Variants in ANO10 observed in about 807,000 individuals in gnomAD.
The protein encoded by ANO10 is anoctamin 10, also known as anoctamin-10.
ANO10 carries 77 observed loss-of-function variants against 74.7 expected under a neutral mutation model. The ratio of observed to expected loss-of-function variants is 1.03; its 90% CI spans 0.86 to 1.25. ANO10 has a LOEUF of 1.25. Among genes scored for constraint, ANO10 ranks in the 50% most tolerant of loss-of-function variants. ANO10 has a pLI of 0.00. For synonymous variants in ANO10, 279 were observed against 284.9 expected (o/e 0.98, Z 0.21); for missense variants, 721 against 778.1 (o/e 0.93, Z 0.87).
intron 1 of ANO10, among the ~76,000 whole-genome samples, chr3:43,656,983 A>G (rs1026939390): frequency 1.3e-5 from 2 of 152,240 alleles, no homozygotes; most frequent in Non-Finnish European, 2.9e-5. Flanking sequence ...GCACGCTGTC[A>G]CCTCTCAAAA....
intron 1 of ANO10, among the ~76,000 whole-genome samples, chr3:43,634,927 G>C (rs1181842311): frequency 6.6e-6 from 1 of 152,174 alleles, no homozygotes; most frequent in South Asian, 2.1e-4. Flanking sequence ...TGTGAATTAG[G>C]CAGCAGGTGG....
At chr3:43,666,321 T>C (rs910673689) in intron 1 of ANO10, among the ~76,000 whole-genome samples, 9 of 152,284 alleles carry the variant, frequency 5.9e-5, no homozygotes, top group Middle Eastern at 3.4e-3. Context: ...TACAGTTACA[T>C]GGAGTATGAA....
intron 11 of ANO10, among the ~76,000 whole-genome samples, chr3:43,445,488 A>G: frequency 6.6e-6 from 1 of 152,178 alleles, no homozygotes; most frequent in Admixed American, 6.6e-5. Context: ...CTTTTACTTT[A>G]TCATATATAT....
chr3:43,654,766 AGT>A (rs1451499541), intron 1 of ANO10, among the ~76,000 whole-genome samples: 1 of 152,222 alleles, frequency 6.6e-6, no homozygotes, highest in Admixed American at 6.5e-5. Context: ...GGCAGTGATC[AGT>A]CAGAATGGAT....
In ANO10 at chr3:43,396,072, A is replaced by ATT. The variant is rs147741860; in HGVS notation, c.1915-29100_1915-29099dup. 1.0e-3 allele frequency among the ~76,000 whole-genome samples: 152 copies of ATT among 145,644 alleles called. 2 individuals carry two copies. The East Asian group carries it at 0.026, about 25-fold the overall frequency. On this transcript the variant is annotated intron_variant, in intron 12 of 12. Coordinates refer to ENST00000292246, the MANE Select transcript of ANO10 (RefSeq NM_018075.5). ...CTGAATGCCTTTTATTAATTTATTTATTTATTTTTTTTTTTTGCTTGATGG... is the reference window on the plus strand; with the variant it reads ...CTGAATGCCTTTTATTAATTTATTTATTTTTATTTTTTTTTTTTGCTTGATGG...
chr3:43,526,880 A>G (rs1434267844), intron 11 of ANO10, among the ~76,000 whole-genome samples: 1 of 82,814 alleles, frequency 1.2e-5, no homozygotes, highest in Non-Finnish European at 3.1e-5. Flanking sequence ...GGTCTAAAAT[A>G]ATCTCTAGTC....
intron 6 of ANO10, among the ~76,000 whole-genome samples, chr3:43,576,332 A>T (rs1351878878): frequency 6.6e-6 from 1 of 152,234 alleles, no homozygotes; most frequent in East Asian, 1.9e-4. Flanking sequence ...GGTCTGAATT[A>T]GTCTAGCTCC....
intron 11 of ANO10, among the ~76,000 whole-genome samples, chr3:43,514,410 T>G (rs571678079): frequency 2.6e-5 from 4 of 152,082 alleles, no homozygotes; most frequent in African/African-American, 9.6e-5. Flanking sequence ...GATTATATCA[T>G]AAAAAGGTCA....
chr3:43,628,591 G>A (rs545800970), intron 1 of ANO10, among the ~76,000 whole-genome samples: 102 of 152,226 alleles, frequency 6.7e-4, no homozygotes, highest in East Asian at 1.7e-3. Flanking sequence ...TGAGCCGGGC[G>A]GAACAGAGAC....
chr3:43,367,245 C>T (rs1438892366), intron 12 of ANO10, among the ~76,000 whole-genome samples: 1 of 152,204 alleles, frequency 6.6e-6, no homozygotes, highest in African/African-American at 2.4e-5. Context: ...CTCCTCCTCC[C>T]TGGATGGCCA....
chr3:43,396,377 C>T (rs191454640), intron 12 of ANO10, among the ~76,000 whole-genome samples: 126 of 151,920 alleles, frequency 8.3e-4, no homozygotes, highest in African/African-American at 2.8e-3. Flanking sequence ...CTCGCTCTGT[C>T]GCCCAGGCTG....
At chr3:43,368,527 C>A (rs567115441) in intron 12 of ANO10, among the ~76,000 whole-genome samples, 1 of 152,160 alleles carries the variant, frequency 6.6e-6, no homozygotes, top group Non-Finnish European at 1.5e-5. Flanking sequence ...GCATCTGCTA[C>A]CTCTTCCATT....
At chr3:43,396,933 G>GTT (rs112552941) in intron 12 of ANO10, among the ~76,000 whole-genome samples, 15 of 144,526 alleles carry the variant, frequency 1.0e-4, no homozygotes, top group Non-Finnish European at 2.0e-4. Context: ...AGGCATTGTA[G>GTT]TTTTTTTTTT....
Position 43,655,893 on chromosome 3 carries a change from A to G in ANO10, c.-12+35624T>C, listed in dbSNP as rs558349753. On this transcript the variant is annotated intron_variant, in intron 1 of 3. Transcript: ENST00000413397. ...AGCTAGATACAGTGTCCATTGGTGC[A>G]TTCACAAACCCTGAGCTAGACACAG... Among the ~76,000 whole-genome samples, 183 of 98,988 alleles carry G rather than the reference A, an allele frequency of 1.8e-3. 1 individual carries two copies. The highest frequency in any genetic ancestry group is 6.8e-3 in the African/African-American group (166 of 24,240). 64.9% of individuals were successfully genotyped at this position (98,988 alleles called of 152,430 possible).
chr3:43,461,084 C>T (rs1559568394), intron 11 of ANO10, among the ~76,000 whole-genome samples: 1 of 147,944 alleles, frequency 6.8e-6, no homozygotes, highest in African/African-American at 2.6e-5. Context: ...TCAATAAGAA[C>T]AAACGTTTTT....
chr3:43,403,770 C>T (rs1013517045), intron 12 of ANO10, among the ~76,000 whole-genome samples: 2 of 152,228 alleles, frequency 1.3e-5, no homozygotes, highest in African/African-American at 4.8e-5. Flanking sequence ...CCGATTCCTA[C>T]TGGAACATGT....
At chr3:43,644,938 T>C (rs746612643) in intron 1 of ANO10, among the ~76,000 whole-genome samples, 3 of 152,194 alleles carry the variant, frequency 2.0e-5, no homozygotes, top group Non-Finnish European at 4.4e-5. Context: ...TTCTTGTTCA[T>C]TGAGTGTGCA....
intron 11 of ANO10, among the ~76,000 whole-genome samples, chr3:43,496,005 A>C (rs1042018061): frequency 3.3e-5 from 5 of 152,144 alleles, no homozygotes. Flanking sequence ...CTGGCCAGGA[A>C]AAATATTTTT....
chr3:43,559,348 A>G (rs2079912846), intron 9 of ANO10, among the ~76,000 whole-genome samples: 1 of 152,240 alleles, frequency 6.6e-6, no homozygotes, highest in African/African-American at 2.4e-5. Flanking sequence ...TGTTTTGGGT[A>G]CTTCAGGAGA....
Sources: allele counts gnomAD v4.1 joint callset (sites outside exome capture counted in the v4.1 genomes callset), GRCh38; gene constraint gnomAD v4.1.1; transcripts MANE v1.5; gene names NCBI Gene and HGNC (gene_info 2026-07-23, HGNC 2026-07-21).